NHSL1: variants seen among roughly 807,000 people sequenced by gnomAD.
The protein encoded by NHSL1 is NHS like 1.
Under a neutral mutation model 95.0 loss-of-function variants are expected in NHSL1, and 48 were observed. That is an observed-to-expected ratio of 0.51 (90% CI 0.40 to 0.64). The LOEUF is 0.64. NHSL1 is among the 30% of genes least tolerant of loss of function. The pLI is 0.00. For synonymous variants in NHSL1, 783 were observed against 833.9 expected (o/e 0.94, Z 1.05); for missense variants, 1,971 against 2,077.7 (o/e 0.95, Z 1.00).
chr6:138,663,560 CAAA>C (rs56870354), intron 1 of NHSL1, among the ~76,000 whole-genome samples: 983 of 95,498 alleles, frequency 0.01, 8 homozygotes, highest in African/African-American at 0.035. Flanking sequence ...AACTCCATCT[CAAA>C]AAAAAAAAAA....
At chr6:138,460,503 T>A (rs984299157) in intron 3 of NHSL1, among the ~76,000 whole-genome samples, 1 of 152,004 alleles carries the variant, frequency 6.6e-6, no homozygotes, top group Non-Finnish European at 1.5e-5. Context: ...CCCTAAACAA[T>A]ACAGTATAAC....
intron 1 of NHSL1, among the ~76,000 whole-genome samples, chr6:138,559,436 TA>T (rs905027385): frequency 2.6e-5 from 4 of 152,176 alleles, no homozygotes; most frequent in Admixed American, 1.3e-4. Flanking sequence ...GGTCCTGGAC[TA>T]GGGGCGCAGA....
chr6:138,617,330 T>C (rs757812112), intron 1 of NHSL1, among the ~76,000 whole-genome samples: 1 of 152,184 alleles, frequency 6.6e-6, no homozygotes, highest in Non-Finnish European at 1.5e-5. Flanking sequence ...CCATTGCTCC[T>C]GTTTGCTACA....
chr6:138,636,107 A>G (rs1784885695), intron 1 of NHSL1, among the ~76,000 whole-genome samples: 1 of 148,432 alleles, frequency 6.7e-6, no homozygotes, highest in South Asian at 2.2e-4. Context: ...TGGGCGACAT[A>G]GTGAGACTCT....
chr6:138,499,577 C>T (rs1162245669), upstream of NHSL1: 4 of 393,990 alleles, frequency 1.0e-5, no homozygotes, highest in African/African-American at 4.1e-5. Flanking sequence ...AAGCCAATCA[C>T]GGTTCTTATT....
intron 1 of NHSL1, among the ~76,000 whole-genome samples, chr6:138,686,594 A>T (rs1785587857): frequency 6.6e-6 from 1 of 152,208 alleles, no homozygotes; most frequent in South Asian, 2.1e-4. Context: ...CAGTAGAATC[A>T]CAAAACGCCA....
intron 2 of NHSL1, among the ~76,000 whole-genome samples, chr6:138,483,061 A>G (rs1779521957): frequency 6.6e-6 from 1 of 152,244 alleles, no homozygotes; most frequent in Non-Finnish European, 1.5e-5. Context: ...TGTGAGCCAC[A>G]CCGTGAGAAA....
rs774731415 is a variant in NHSL1, at chr6:138,433,672, T to C, written c.673A>G (p.Thr225Ala). 9.2e-6 allele frequency: 14 copies of C among 1,528,118 alleles called. No homozygotes were observed. In the South Asian group the frequency reaches 1.7e-4, roughly 19 times the overall value. The allele number at this position is 1,528,118 out of a possible 1,614,324, so 94.7% of individuals were successfully genotyped here. A position where few individuals can be genotyped will look rare whatever the true frequency, so the allele number is the denominator to read the frequency against. ...TGGCCATCAGCATCATCTTGGCCAGTGCCTGATGCTGGAGATAAAGCAGAA... is the reference window on the plus strand; with the variant it reads ...TGGCCATCAGCATCATCTTGGCCAGCGCCTGATGCTGGAGATAAAGCAGAA... Reference protein sequence around the residue: ...DNIQKELASGTGQDDADGHSV... With the variant: ...DNIQKELASGAGQDDADGHSV... Residue 225 changes from threonine to alanine, a missense_variant, in exon 6 of 8, where the codon ACT (threonine) becomes GCT (alanine). Transcript: ENST00000343505.
At chr6:138,558,780 C>T (rs1260804331) in intron 1 of NHSL1, among the ~76,000 whole-genome samples, 5 of 152,164 alleles carry the variant, frequency 3.3e-5, no homozygotes, top group African/African-American at 4.8e-5. Context: ...CAGTGGCTCA[C>T]GCCTATATTC....
chr6:138,684,541 A>G (rs2114793088), intron 1 of NHSL1, among the ~76,000 whole-genome samples: 1 of 152,172 alleles, frequency 6.6e-6, no homozygotes, highest in Non-Finnish European at 1.5e-5. Context: ...GCTACTCAGA[A>G]GGCTGAGGCA....
At chr6:138,448,133 C>G (rs1485369877) in intron 3 of NHSL1, among the ~76,000 whole-genome samples, 5 of 152,118 alleles carry the variant, frequency 3.3e-5, no homozygotes, top group Non-Finnish European at 5.9e-5. Flanking sequence ...ACTGAAGAGC[C>G]CTTCTTCAAT....
At chr6:138,448,012 G>A (rs1225749831) in intron 3 of NHSL1, among the ~76,000 whole-genome samples, 1 of 152,200 alleles carries the variant, frequency 6.6e-6, no homozygotes, top group Non-Finnish European at 1.5e-5. Context: ...GAAAAAATCA[G>A]TGTGAAATTG....
At chr6:138,497,463 C>G (rs1052370851) in intron 1 of NHSL1, among the ~76,000 whole-genome samples, 1 of 152,074 alleles carries the variant, frequency 6.6e-6, no homozygotes, top group African/African-American at 2.4e-5. Context: ...TCACACTGGG[C>G]GTATCCATGT....
In NHSL1 at chr6:138,432,641, C is replaced by T. The variant is rs1185259661; in HGVS notation, c.1704G>A (p.Pro568=). Residue 568 remains proline, a synonymous_variant, in exon 6 of 8, where the codon CCG becomes CCA. Transcript: ENST00000343505. This position sits in a 1 kb window ranked among gnomAD's most constrained non-coding sequence, Gnocchi z 4.4. ...TGGAATAGCCAGGAGTTGCTAAATG[C>T]GGCTTCAGGGGGGATGCCCTTCCAT... The part of the protein sequence containing the change: ...SGNGRASPLK[P]HLATPGYSTP... 7 of 1,551,666 alleles carry T rather than the reference C, an allele frequency of 4.5e-6. No homozygotes were observed. Among genetic ancestry groups the T allele is most frequent in the South Asian group, 1.2e-5 (1 of 84,036 alleles).
intron 1 of NHSL1, among the ~76,000 whole-genome samples, chr6:138,604,771 A>G (rs1176217279): frequency 6.6e-6 from 1 of 152,066 alleles, no homozygotes; most frequent in Non-Finnish European, 1.5e-5. Flanking sequence ...AACTACAGGC[A>G]TGTGCCACCA....
chr6:138,442,006 G>C lies in NHSL1; in HGVS notation c.641C>G (p.Pro214Arg), dbSNP rs1776555626. ...ACCTAGCTCCTTCTGTATGTTGTCA[G>C]GGACTCCTGTAATAGTCTTTCTCCT... The part of the protein sequence containing the change: ...VKRRKTITGV[P>R]DNIQKELASG... The change falls in exon 5 of 8, where the codon CCT (proline) becomes CGT (arginine). Residue 214 changes from proline (P) to arginine (R), a missense_variant. Around this residue, in one of 3 missense-constraint regions of NHSL1, gnomAD observed 1,602 missense variants for 1,654.5 expected, o/e 0.97. Coordinates refer to ENST00000343505, the MANE Select transcript of NHSL1 (RefSeq NM_001144060.2). 1.3e-6 allele frequency: 2 copies of C among 1,551,156 alleles called. No homozygotes were observed. The highest frequency in any genetic ancestry group is 2.7e-5 in the African/African-American group (2 of 73,150).
At position 138,424,477 on chromosome 6, in the gene NHSL1, C is replaced by T. The variant is rs112068860; in HGVS notation, c.4425G>A (p.Ala1475=). Residue 1475 remains alanine, a synonymous_variant, in exon 8 of 8, where the codon GCG becomes GCA. Transcript: ENST00000343505. This position sits in a 1 kb window ranked among gnomAD's most constrained non-coding sequence, Gnocchi z 5.9. The part of the protein sequence containing the change: ...SSCSPSKNRR[A]QEEWAKNEGL... ...CTTCGTTCTTGGCCCACTCCTCCTG[C>T]GCCCTTCTGTTCTTGCTTGGGGAGC... is the stretch of plus-strand genomic sequence containing the variant. The T allele has an allele frequency of 3.2e-6, 5 of 1,551,468 alleles. No individual in the cohort carries two copies. Among genetic ancestry groups the T allele is most frequent in the Non-Finnish European group, 3.5e-6 (4 of 1,146,960 alleles).
At chr6:138,652,166 G>T (rs1423327567) in intron 1 of NHSL1, among the ~76,000 whole-genome samples, 1 of 152,000 alleles carries the variant, frequency 6.6e-6, no homozygotes, top group Non-Finnish European at 1.5e-5. Context: ...GGCTGGCCAG[G>T]TGCAGTGGTT....
chr6:138,549,192 T>C (rs188726691), upstream of NHSL1, among the ~76,000 whole-genome samples: 160 of 152,288 alleles, frequency 1.1e-3, no homozygotes, highest in African/African-American at 3.7e-3. Context: ...GAGACCAGCC[T>C]AACCAACATG....
Sources: allele counts gnomAD v4.1 joint callset (sites outside exome capture counted in the v4.1 genomes callset), GRCh38; gene constraint gnomAD v4.1.1; regional missense constraint gnomAD v4.1.1; non-coding constraint Gnocchi (gnomAD v3.1); transcripts MANE v1.5; gene names NCBI Gene and HGNC (gene_info 2026-07-23, HGNC 2026-07-21).